CPNE4: variants seen among roughly 807,000 people sequenced by gnomAD.
CPNE4 encodes copine 4.
In CPNE4, 25 loss-of-function variants were observed where a neutral mutation model predicts 67.9. The ratio of observed to expected loss-of-function variants is 0.37; its 90% confidence interval spans 0.27 to 0.51. The LOEUF (loss-of-function observed/expected upper bound fraction) is 0.51, where lower values mean the gene tolerates loss of function less well. Among genes scored for constraint, CPNE4 ranks in the 20% least tolerant of loss-of-function variants. The pLI, the probability that CPNE4 is intolerant of heterozygous loss-of-function variation, is 0.93. For synonymous variants in CPNE4, 242 were observed against 244.9 expected (o/e 0.99, Z 0.11); for missense variants, 464 against 690.8 (o/e 0.67, Z 3.68).
intron 2 of CPNE4, among the ~76,000 whole-genome samples, chr3:131,799,009 T>A (rs2083997380): frequency 6.6e-6 from 1 of 152,154 alleles, no homozygotes; most frequent in South Asian, 2.1e-4. Flanking sequence ...TGTCCCATAG[T>A]CAATTAAAGA....
At chr3:131,993,830 T>A (rs538547202) in intron 1 of CPNE4, among the ~76,000 whole-genome samples, 1 of 135,876 alleles carries the variant, frequency 7.4e-6, no homozygotes, top group African/African-American at 2.5e-5. Flanking sequence ...TCTTTACTAG[T>A]GCAAAAATAC....
intron 2 of CPNE4, among the ~76,000 whole-genome samples, chr3:131,851,863 A>G (rs1330784433): frequency 6.6e-6 from 1 of 152,052 alleles, no homozygotes; most frequent in African/African-American, 2.4e-5. Flanking sequence ...AAACAGAGAC[A>G]TGGGCAGAAG....
At chr3:131,616,958 G>T (rs764694015) in intron 7 of CPNE4, among the ~76,000 whole-genome samples, 1 of 152,164 alleles carries the variant, frequency 6.6e-6, no homozygotes. Flanking sequence ...GAGGGCTAGG[G>T]ACATGCTGCT....
At chr3:131,631,904 C>CT (rs918974093) in intron 7 of CPNE4, among the ~76,000 whole-genome samples, 61 of 146,186 alleles carry the variant, frequency 4.2e-4, no homozygotes, top group Non-Finnish European at 8.1e-4. Context: ...TTTCTTTTTT[C>CT]TTTTTTTTTG....
chr3:131,913,717 C>T (rs1208337280), intron 1 of CPNE4, among the ~76,000 whole-genome samples: 1 of 152,150 alleles, frequency 6.6e-6, no homozygotes, highest in African/African-American at 2.4e-5. Flanking sequence ...CCTCCTTGGT[C>T]GAATTCTTTC....
chr3:131,628,637 T>C (rs1214054239), intron 7 of CPNE4, among the ~76,000 whole-genome samples: 1 of 152,258 alleles, frequency 6.6e-6, no homozygotes, highest in East Asian at 1.9e-4. Flanking sequence ...AGGGTGTATG[T>C]GTCCAGGAAT....
At chr3:131,823,136 GT>G in intron 2 of CPNE4, among the ~76,000 whole-genome samples, 1 of 152,224 alleles carries the variant, frequency 6.6e-6, no homozygotes, top group Non-Finnish European at 1.5e-5. Flanking sequence ...ACTGCGCCCG[GT>G]CTGTACACTT....
intron 2 of CPNE4, among the ~76,000 whole-genome samples, chr3:131,758,263 G>A (rs1375753274): frequency 6.6e-6 from 1 of 152,166 alleles, no homozygotes; most frequent in African/African-American, 2.4e-5. Context: ...AAAGCCACAG[G>A]GGAAGAGCTG....
chr3:131,898,076 A>G (rs1033573161), intron 2 of CPNE4, among the ~76,000 whole-genome samples: 2 of 152,148 alleles, frequency 1.3e-5, no homozygotes, highest in African/African-American at 4.8e-5. Context: ...GTCATTAATA[A>G]AGAGATAAAA....
intron 1 of CPNE4, among the ~76,000 whole-genome samples, chr3:131,933,778 G>A (rs538111786): frequency 3.8e-4 from 56 of 149,106 alleles, no homozygotes; most frequent in African/African-American, 1.4e-3. Context: ...AATAAGCCAC[G>A]TACAGAAAGA....
intron 1 of CPNE4, among the ~76,000 whole-genome samples, chr3:131,949,550 T>C (rs2071658877): frequency 6.6e-6 from 1 of 152,238 alleles, no homozygotes; most frequent in Non-Finnish European, 1.5e-5. Context: ...GGCATTCATT[T>C]AGTAAACATT....
rs1298698741 is a variant in CPNE4, at chr3:131,978,158, A to AAT, written c.-2+56407_-2+56408dup. ...TATATAAATATATATAAAATATATA[A>AAT]ATATATATAAATATGTAAATATATA... On this transcript the variant is annotated intron_variant, in intron 1 of 15. Coordinates refer to ENST00000429747, the MANE Select transcript of CPNE4 (RefSeq NM_130808.3). Among the ~76,000 whole-genome samples the AAT allele has an allele frequency of 3.5e-4, 23 of 66,498 alleles. 1 individual carries two copies. Among genetic ancestry groups the AAT allele is most frequent in the African/African-American group, 2.6e-3 (21 of 8,004 alleles). 43.6% of individuals were successfully genotyped at this position (66,498 alleles called of 152,430 possible).
chr3:131,590,978 T>C (rs973756401), intron 7 of CPNE4, among the ~76,000 whole-genome samples: 1 of 152,168 alleles, frequency 6.6e-6, no homozygotes, highest in Admixed American at 6.5e-5. Flanking sequence ...AACAAGTAAA[T>C]GATTCAGTAA....
chr3:131,629,775 G>A (rs906037432), intron 7 of CPNE4, among the ~76,000 whole-genome samples: 1 of 152,054 alleles, frequency 6.6e-6, no homozygotes, highest in Admixed American at 6.6e-5. Flanking sequence ...TATTTGCACT[G>A]GAAAATCCCC....
At chr3:131,586,726 A>ATCTATCTATCTATCTG (rs1333232108) in intron 8 of CPNE4, among the ~76,000 whole-genome samples, 38 of 129,694 alleles carry the variant, frequency 2.9e-4, no homozygotes, top group African/African-American at 1.4e-3. Context: ...TTCTATCTCT[A>ATCTATCTATCTATCTG]TCTGTCTGTC....
At chr3:131,786,338 T>G (rs2083562460) in intron 2 of CPNE4, among the ~76,000 whole-genome samples, 1 of 152,132 alleles carries the variant, frequency 6.6e-6, no homozygotes, top group Admixed American at 6.6e-5. Context: ...GACTGGAAGT[T>G]TCTGAGTACT....
intron 2 of CPNE4, among the ~76,000 whole-genome samples, chr3:131,888,217 CTAGAT>C (rs2087970508): frequency 6.6e-6 from 1 of 152,300 alleles, no homozygotes; most frequent in Admixed American, 6.5e-5. Flanking sequence ...TTGGAAGAAA[CTAGAT>C]TAAGCAAATC....
intron 7 of CPNE4, among the ~76,000 whole-genome samples, chr3:131,645,919 T>C (rs2079652344): frequency 6.6e-6 from 1 of 152,222 alleles, no homozygotes. Context: ...AGCCCTCACC[T>C]TGACCTTGGA....
chr3:131,875,663 ACACACC>A (rs1382944188), intron 2 of CPNE4, among the ~76,000 whole-genome samples: 1 of 140,430 alleles, frequency 7.1e-6, no homozygotes, highest in Non-Finnish European at 1.6e-5. Context: ...GGGGAACATC[ACACACC>A]CAGGCCTGTC....
Sources: allele counts gnomAD v4.1 joint callset (sites outside exome capture counted in the v4.1 genomes callset), GRCh38; gene constraint gnomAD v4.1.1; transcripts MANE v1.5; gene names NCBI Gene and HGNC (gene_info 2026-07-23, HGNC 2026-07-21).